The following DAZAP2 variants were observed in gnomAD, a reference collection of about 807,000 sequenced individuals.
DAZAP2 encodes the protein DAZ associated protein 2.
DAZAP2 carries 3 observed loss-of-function variants against 16.2 expected under a neutral mutation model. The ratio of observed to expected loss-of-function variants is 0.19; its 90% CI spans 0.08 to 0.48. The LOEUF (loss-of-function observed/expected upper bound fraction) is 0.48, where lower values mean the gene tolerates loss of function less well. Among genes scored for constraint, DAZAP2 ranks in the 20% least tolerant of loss-of-function variants. The pLI is 0.98. For synonymous variants in DAZAP2, 69 were observed against 77.6 expected, an observed-to-expected ratio of 0.89 and a Z score of 0.58; for missense variants, 172 against 215.9, an observed-to-expected ratio of 0.80 and a Z score of 1.27.
At chr12:51,239,496 A>AAAAAAAAAAAG (rs1944625978) in intron 1 of DAZAP2, 1 of 144,956 alleles carries the variant, frequency 6.9e-6, no homozygotes. Context: ...AAAAAAAAAA[A>AAAAAAAAAAAG]GGCCGAGCGA....
intron 1 of DAZAP2, chr12:51,239,635 C>G (rs1265840849): frequency 6.6e-6 from 1 of 152,352 alleles, no homozygotes; most frequent in Admixed American, 6.6e-5. Flanking sequence ...CAAAAATCAG[C>G]TGGGCGTGGT....
intron 3 of DAZAP2, among the ~76,000 whole-genome samples, chr12:51,242,043 C>T (rs1592227507): frequency 6.6e-6 from 1 of 152,032 alleles, no homozygotes; most frequent in South Asian, 2.1e-4. Context: ...GGTTCTCTAC[C>T]CTCAAAATGA....
intron 1 of DAZAP2, 59 bp downstream of exon 1, chr12:51,238,979 G>C: frequency 6.2e-7 from 1 of 1,604,452 alleles, no homozygotes. Flanking sequence ...AGAGCGAGCG[G>C]ATTCGGAGCC....
In DAZAP2 at chr12:51,242,732, C is replaced by G; in HGVS notation, c.*274C>G. ...CCCTAAGGATTTTCCTTTAATTTCT[C>G]TGGAGTAATACTGTACCATACTGGT... On this transcript the variant is annotated 3_prime_UTR_variant, in exon 4 of 4. Coordinates refer to ENST00000412716, the MANE Select transcript of DAZAP2 (RefSeq NM_014764.4). 1.4e-6 allele frequency: 2 copies of G among 1,465,566 alleles called. No homozygotes were observed. Among genetic ancestry groups the G allele is most frequent in the South Asian group, 2.9e-5 (2 of 69,256 alleles). The allele number at this position is 1,465,566 out of a possible 1,614,324, so 90.8% of individuals were successfully genotyped here.
At chr12:51,240,006 G>C (rs766756825) in intron 1 of DAZAP2, 1 of 293,896 alleles carries the variant, frequency 3.4e-6, no homozygotes, top group Non-Finnish European at 6.5e-6. Flanking sequence ...CTAGAGCAGA[G>C]GCACCCTTGA....
downstream of DAZAP2, chr12:51,246,368 A>G: frequency 3.9e-6 from 2 of 511,618 alleles, no homozygotes; most frequent in Non-Finnish European, 3.4e-6. Flanking sequence ...CTGCCTCCCA[A>G]ACCAGTTCCT....
chr12:51,239,834 C>T (rs1944636901), intron 1 of DAZAP2: 1 of 155,398 alleles, frequency 6.4e-6, no homozygotes, highest in African/African-American at 2.4e-5. Context: ...GGATATTCCT[C>T]CTCACCCCTC....
chr12:51,239,403 G>C, intron 1 of DAZAP2: 1 of 158,722 alleles, frequency 6.3e-6, no homozygotes. Flanking sequence ...CCCCTTTTCT[G>C]TGGTTGTACC....
downstream of DAZAP2, chr12:51,246,219 T>C: frequency 6.6e-7 from 1 of 1,510,342 alleles, no homozygotes; most frequent in Admixed American, 2.1e-5. Flanking sequence ...GTAAAGATCC[T>C]CTTGTTTTCA....
downstream of DAZAP2, chr12:51,245,742 GATAT>G (rs1944759567): frequency 1.8e-6 from 1 of 560,158 alleles, no homozygotes; most frequent in Admixed American, 3.1e-5. Context: ...CCTGGTTAAA[GATAT>G]CATAAACAGC....
chr12:51,246,531 T>C (rs1944771892), downstream of DAZAP2: 2 of 462,374 alleles, frequency 4.3e-6, no homozygotes, highest in Admixed American at 3.8e-5. Context: ...CGTATGCATA[T>C]CTATTTGCGG....
chr12:51,238,970 G>C, intron 1 of DAZAP2, 50 bp downstream of exon 1: 1 of 1,607,922 alleles, frequency 6.2e-7, no homozygotes, highest in Non-Finnish European at 8.5e-7. Flanking sequence ...TGCTGGCCCA[G>C]AGCGAGCGGA....
rs771632951 is a variant in DAZAP2 at position 51,240,363 on chromosome 12, A to G, written c.34A>G (p.Thr12Ala). Reference sequence around the variant, plus strand: ...TTCAGGTCAATATCCAACACAGCCAACCTACCCTGTGCAGCCTCCTGGGAA... The same window carrying G: ...TTCAGGTCAATATCCAACACAGCCAGCCTACCCTGTGCAGCCTCCTGGGAA... ...NSKGQYPTQP[T>A]YPVQPPGNPV... Residue 12 changes from threonine to alanine, a missense_variant, in exon 2 of 4, where the codon ACC (threonine) becomes GCC (alanine). Thr to Ala is a moderately conservative substitution (Grantham distance 58). Coordinates refer to ENST00000412716, the MANE Select transcript of DAZAP2 (RefSeq NM_014764.4). 3.7e-6 allele frequency: 6 copies of G among 1,613,826 alleles called. No individual in the cohort carries two copies. Among genetic ancestry groups the G allele is most frequent in the Admixed American group, 1.7e-5 (1 of 59,964 alleles).
In DAZAP2 at chr12:51,243,909, A is replaced by G. The variant is rs1205602271; in HGVS notation, c.*1451A>G. ...TCTGTTTCCTTTGATGACGCTTTGA[A>G]ATAAAGGCAGGAGTACAAGCCTAAG... On this transcript the variant is annotated 3_prime_UTR_variant, in exon 4 of 4. Transcript: ENST00000412716. 2 of 985,238 alleles carry G rather than the reference A, an allele frequency of 2.0e-6. No individual in the cohort carries two copies. Among genetic ancestry groups the G allele is most frequent in the Non-Finnish European group, 2.4e-6 (2 of 829,896 alleles). 61.0% of individuals were successfully genotyped at this position (985,238 alleles called of 1,614,324 possible).
intron 3 of DAZAP2, among the ~76,000 whole-genome samples, chr12:51,242,054 C>G (rs754936630): frequency 6.6e-6 from 1 of 152,102 alleles, no homozygotes; most frequent in Non-Finnish European, 1.5e-5. Context: ...CTCAAAATGA[C>G]TGTTGGTCTG....
chr12:51,244,999 A>T (rs2137074), downstream of DAZAP2: 117,516 of 150,374 alleles, frequency 0.78, 45,979 homozygotes, highest in East Asian at 0.89. Context: ...TATTTTTTTT[A>T]TATATTTTTA....
rs986333325 is a variant in DAZAP2, at chr12:51,238,846, C to T, written c.-62C>T. The T allele has an allele frequency of 2.7e-5, 44 of 1,611,506 alleles. No homozygotes were observed. In the Admixed American group the frequency reaches 7.0e-4, roughly 26 times the overall value. On this transcript the variant is annotated 5_prime_UTR_variant, in exon 1 of 4. Coordinates refer to ENST00000412716, the MANE Select transcript of DAZAP2 (RefSeq NM_014764.4). ...CATGTGACACGGAAGTAGCTCCGAA[C>T]AGGAAGAGGACGAAAAAAATAACCG...
At chr12:51,245,755 G>T, downstream of DAZAP2, 1 of 599,650 alleles carries the variant, frequency 1.7e-6, no homozygotes. Flanking sequence ...ATCATAAACA[G>T]CTTTCTCCAT....
At chr12:51,240,725 A>T in intron 2 of DAZAP2, 146 bp from the exon 3 acceptor site, 1 of 1,125,772 alleles carries the variant, frequency 8.9e-7, no homozygotes, top group Non-Finnish European at 1.2e-6. Context: ...GATCCAGGAG[A>T]ATATTGAAGG....
Sources: gnomAD v4.1 joint callset for allele counts (sites outside exome capture counted in the v4.1 genomes callset) on GRCh38, gnomAD v4.1.1 for gene constraint, MANE v1.5 for transcripts, NCBI Gene and HGNC (gene_info 2026-07-23, HGNC 2026-07-21) for gene names.